Variants in POMZP3 observed in about 807,000 individuals in gnomAD.
The protein encoded by POMZP3 is POM121 and ZP3 fusion, also known as POM121 and ZP3 fusion protein.
Under a neutral mutation model 19.8 loss-of-function variants are expected in POMZP3, and 10 were observed. The observed-to-expected ratio is 0.51, with a 90% confidence interval of 0.31 to 0.86. The LOEUF is 0.86. POMZP3 is among the 40% of genes least tolerant of loss of function. POMZP3 has a pLI of 0.04. For missense variants in POMZP3, 152 were observed against 228.1 expected (o/e 0.67, Z 2.15); for synonymous variants, 57 against 85.8 (o/e 0.66, Z 1.85).
rs1447703697 is a variant in POMZP3, at chr7:76,625,988, G to A, written c.65+12C>T. 1 of 1,613,440 alleles carries A rather than the reference G, an allele frequency of 6.2e-7. No individual in the cohort carries two copies. The highest frequency in any genetic ancestry group is 8.5e-7 in the Non-Finnish European group (1 of 1,179,546). Reference sequence around the variant, plus strand: ...CGAAAAGGGAGAGTATTCTTCCAACGATAATACTCACATCGCAGAACGCGA... The same window carrying A: ...CGAAAAGGGAGAGTATTCTTCCAACAATAATACTCACATCGCAGAACGCGA... On this transcript the variant is annotated intron_variant, in intron 2 of 6. Transcript: ENST00000310842.
Position 76,627,131 on chromosome 7 carries a change from G to A in POMZP3, c.-575C>T. 1 of 1,430,984 alleles carries A rather than the reference G, an allele frequency of 7.0e-7. No homozygotes were observed. Among genetic ancestry groups the A allele is most frequent in the Non-Finnish European group, 9.3e-7 (1 of 1,079,320 alleles). 88.6% of individuals were successfully genotyped at this position (1,430,984 alleles called of 1,614,324 possible). A position where few individuals can be genotyped will look rare whatever the true frequency, so the allele number is the denominator to read the frequency against. ...AGCCAGGCCAGCGCAGCCGCAGCAG[G>A]CACGAGGTACAGTAGGAGGCCGACC... On this transcript the variant is annotated 5_prime_UTR_variant, in exon 1 of 7. Coordinates refer to ENST00000310842, the MANE Select transcript of POMZP3 (RefSeq NM_012230.5).
Position 76,626,712 on chromosome 7 carries a change from G to T in POMZP3, c.-156C>A. Reference sequence around the variant, plus strand: ...GGGAAAATCAGCGCATCTCACCGTGGGGAAGGCCTCCCGGAGGGTCGGAGA... The same window carrying T: ...GGGAAAATCAGCGCATCTCACCGTGTGGAAGGCCTCCCGGAGGGTCGGAGA... On this transcript the variant is annotated 5_prime_UTR_variant, in exon 1 of 7. Coordinates refer to ENST00000310842, the MANE Select transcript of POMZP3 (RefSeq NM_012230.5). 1 of 1,384,010 alleles carries T rather than the reference G, an allele frequency of 7.2e-7. No homozygotes were observed. The highest frequency in any genetic ancestry group is 1.7e-5 in the South Asian group (1 of 59,884). 85.7% of individuals were successfully genotyped at this position (1,384,010 alleles called of 1,614,324 possible). A position where few individuals can be genotyped will look rare whatever the true frequency, so the allele number is the denominator to read the frequency against.
At chr7:76,610,634 A>G (rs968093429) in intron 6 of POMZP3, among the ~76,000 whole-genome samples, 1 of 151,870 alleles carries the variant, frequency 6.6e-6, no homozygotes, top group African/African-American at 2.4e-5. Context: ...CCTGGAGGAC[A>G]GAGCTAGACA....
chr7:76,614,858 CAAAAAA>C (rs59620004), intron 4 of POMZP3, among the ~76,000 whole-genome samples: 3 of 32,038 alleles, frequency 9.4e-5, no homozygotes, highest in African/African-American at 3.4e-4. Flanking sequence ...AGACTCTGTC[CAAAAAA>C]AAAAAAAAAA....
rs1199513202 is a variant in POMZP3 at position 76,615,198 on chromosome 7, T to C, written c.345+2985A>G. 4.1e-5 allele frequency among the ~76,000 whole-genome samples: 4 copies of C among 97,400 alleles called. 1 individual carries two copies. Among genetic ancestry groups the C allele is most frequent in the African/African-American group, 1.6e-4 (4 of 24,282 alleles). The allele number at this position is 97,400 out of a possible 152,430, so 63.9% of individuals were successfully genotyped here. A position where few individuals can be genotyped will look rare whatever the true frequency, so the allele number is the denominator to read the frequency against. On this transcript the variant is annotated intron_variant, in intron 4 of 6. Transcript: ENST00000310842. ...GAGATTGAGAAACCACCTCAGTCCA[T>C]ACCCATGCTGACTGCTACCACCTCT... is the stretch of plus-strand genomic sequence containing the variant.
chr7:76,613,482 AC>A (rs1366166733), intron 4 of POMZP3, among the ~76,000 whole-genome samples: 1 of 92,580 alleles, frequency 1.1e-5, no homozygotes, highest in Non-Finnish European at 2.4e-5. Flanking sequence ...ATAGTCAACT[AC>A]CCTGTAAGCA....
At chr7:76,611,177 T>C (rs1237114625) in intron 6 of POMZP3, among the ~76,000 whole-genome samples, 4 of 150,446 alleles carry the variant, frequency 2.7e-5, no homozygotes, top group African/African-American at 9.8e-5. Context: ...CCAAGCCAGA[T>C]TATCTTAACA....
intron 4 of POMZP3, among the ~76,000 whole-genome samples, chr7:76,616,197 T>C (rs1419793454): frequency 2.8e-5 from 4 of 142,230 alleles, no homozygotes; most frequent in Non-Finnish European, 4.6e-5. Context: ...GGCAGGAGAA[T>C]TGCTTGCACC....
intron 3 of POMZP3, among the ~76,000 whole-genome samples, chr7:76,620,860 C>CTTTTTTTTTT (rs752303123): frequency 5.0e-5 from 5 of 100,262 alleles, no homozygotes; most frequent in Non-Finnish European, 9.5e-5. Flanking sequence ...GCTGTAAAGC[C>CTTTTTTTTTT]ATTTTTTTTT....
intron 4 of POMZP3, among the ~76,000 whole-genome samples, chr7:76,615,104 C>G (rs891736300): frequency 1.7e-5 from 2 of 116,236 alleles, no homozygotes; most frequent in Non-Finnish European, 3.7e-5. Flanking sequence ...AAGGGGAGCC[C>G]TCCAAGGGCT....
In POMZP3 at chr7:76,626,052, G is replaced by C; in HGVS notation, c.13C>G (p.Pro5Ala). 2 of 1,613,680 alleles carry C rather than the reference G, an allele frequency of 1.2e-6. No homozygotes were observed. Among genetic ancestry groups the C allele is most frequent in the Non-Finnish European group, 1.7e-6 (2 of 1,179,684 alleles). Reference protein sequence around the residue: MVCSPVTLRIAPPDR... With the variant: MVCSAVTLRIAPPDR... ...GGAGGGGCGATCCTCAGAGTCACTG[G>C]GCTACACACCATCCTGGAGTTGCGA... The change falls in exon 2 of 7, where the codon CCA (proline) becomes GCA (alanine). Residue 5 changes from proline to alanine, a missense_variant. Coordinates refer to ENST00000310842, the MANE Select transcript of POMZP3 (RefSeq NM_012230.5).
chr7:76,611,588 C>G lies in POMZP3; in HGVS notation c.441G>C (p.Trp147Cys), dbSNP rs1759927270. 1 of 1,597,940 alleles carries G rather than the reference C, an allele frequency of 6.3e-7. No homozygotes were observed. The highest frequency in any genetic ancestry group is 1.4e-5 in the African/African-American group (1 of 73,574). The part of the protein sequence containing the change: ...ACSFSKPSNS[W>C]FPVEGLADIC... ...TGTCAGCCAGGCCTTCCACTGGGAA[C>G]CAGCTGAGATGAAAGAGAAGCAGCT... Residue 147 changes from tryptophan (W) to cysteine (C), a missense_variant, in exon 6 of 7, where the codon TGG (tryptophan) becomes TGC (cysteine). Trp to Cys is a radical substitution (Grantham distance 215, BLOSUM62 -2). Transcript: ENST00000310842.
chr7:76,611,207 A>C (rs773411469), intron 6 of POMZP3, among the ~76,000 whole-genome samples: 1 of 151,116 alleles, frequency 6.6e-6, no homozygotes, highest in Admixed American at 6.6e-5. Context: ...TTTCCCCTAC[A>C]TGCCTAATTA....
chr7:76,625,255 C>T (rs1815810887), intron 3 of POMZP3, among the ~76,000 whole-genome samples: 1 of 149,956 alleles, frequency 6.7e-6, no homozygotes. Flanking sequence ...CACGTTTCTA[C>T]AGAAGCATGA....
chr7:76,616,301 C>G (rs1189256576), intron 4 of POMZP3, among the ~76,000 whole-genome samples: 2 of 117,910 alleles, frequency 1.7e-5, no homozygotes, highest in Non-Finnish European at 3.6e-5. Flanking sequence ...AAAAAAAATG[C>G]TGGTGGTAGA....
chr7:76,616,187 G>C (rs1815280157), intron 4 of POMZP3, among the ~76,000 whole-genome samples: 1 of 143,900 alleles, frequency 6.9e-6, no homozygotes, highest in Admixed American at 7.0e-5. Flanking sequence ...AGGAGGCTGA[G>C]GCAGGAGAAT....
At chr7:76,621,557 C>T (rs1815559722) in intron 3 of POMZP3, among the ~76,000 whole-genome samples, 1 of 151,740 alleles carries the variant, frequency 6.6e-6, no homozygotes, top group Admixed American at 6.6e-5. Flanking sequence ...TATTGGGCTG[C>T]ATTCCCAGAT....
intron 3 of POMZP3, among the ~76,000 whole-genome samples, chr7:76,619,201 A>C (rs1235399369): frequency 1.3e-5 from 2 of 152,138 alleles, no homozygotes; most frequent in African/African-American, 2.4e-5. Flanking sequence ...GAGTTTGGCC[A>C]ACATGGGGAA....
At chr7:76,610,264 G>T (rs1423895468) in intron 6 of POMZP3, 49 bp from the exon 7 acceptor site, 1 of 1,613,492 alleles carries the variant, frequency 6.2e-7, no homozygotes, top group African/African-American at 1.3e-5. Flanking sequence ...CCCTAACCGG[G>T]AACTGGGTTG....
Sources: allele counts gnomAD v4.1 joint callset (sites outside exome capture counted in the v4.1 genomes callset), GRCh38; gene constraint gnomAD v4.1.1; transcripts MANE v1.5; gene names NCBI Gene and HGNC (gene_info 2026-07-23, HGNC 2026-07-21).